TRIM5: variants seen among roughly 807,000 people sequenced by gnomAD.
TRIM5 encodes the protein tripartite motif-containing protein 5.
TRIM5 carries 31 observed loss-of-function variants against 35.6 expected under a neutral mutation model. The ratio of observed to expected loss-of-function variants is 0.87; its 90% CI spans 0.65 to 1.18. The LOEUF is 1.18. Ranked by LOEUF, TRIM5 falls within the 50% of genes most tolerant of loss-of-function variation. The pLI is 0.00. For synonymous variants in TRIM5, 243 were observed against 215.6 expected (o/e 1.13, Z -1.11); for missense variants, 609 against 591.6 (o/e 1.03, Z -0.31).
intron 1 of TRIM5, among the ~76,000 whole-genome samples, chr11:5,682,610 G>A (rs770624425): frequency 2.0e-5 from 3 of 152,170 alleles, no homozygotes; most frequent in Non-Finnish European, 2.9e-5. Flanking sequence ...CAGATCCAAG[G>A]GGGAAATTAG....
the TRIM5 span, chr11:5,643,835 A>T: frequency 7.9e-7 from 1 of 1,271,394 alleles, no homozygotes; most frequent in Non-Finnish European, 1.1e-6. Flanking sequence ...CATCCTTGAG[A>T]TGTATGGTGT....
the TRIM5 span, among the ~76,000 whole-genome samples, chr11:5,642,097 A>T: frequency 6.6e-6 from 1 of 152,176 alleles, no homozygotes; most frequent in African/African-American, 2.4e-5. Context: ...GTCTTTTCCT[A>T]TCGTTTTATC....
chr11:5,635,507 C>T, the TRIM5 span, among the ~76,000 whole-genome samples: 3 of 152,234 alleles, frequency 2.0e-5, no homozygotes, highest in African/African-American at 7.2e-5. Flanking sequence ...CCGCCTGCCT[C>T]GGCCTTCCAA....
chr11:5,648,402 T>C, the TRIM5 span, among the ~76,000 whole-genome samples: 916 of 151,904 alleles, frequency 6.0e-3, 15 homozygotes, highest in African/African-American at 0.021. Flanking sequence ...GCTACTCAGT[T>C]GGCTGAGGCG....
the TRIM5 span, among the ~76,000 whole-genome samples, chr11:5,614,518 AAGGAAAAGAAAACTC>A: frequency 6.6e-6 from 1 of 152,238 alleles, no homozygotes; most frequent in Non-Finnish European, 1.5e-5. Context: ...ATCAAATTTC[AAGGAAAAGAAAACTC>A]AGATTTTGGT....
In TRIM5 at chr11:5,679,890, T is replaced by C. The variant is rs56327934; in HGVS notation, c.288A>G (p.Ala96=). The C allele has an allele frequency of 2.6e-4, 421 of 1,613,900 alleles. No homozygotes were observed. Among genetic ancestry groups the C allele is most frequent in the Non-Finnish European group, 3.4e-4 (403 of 1,180,024 alleles). Residue 96 remains alanine (A), a synonymous_variant, in exon 2 of 8, where the codon GCA becomes GCG. Transcript: ENST00000380034. ...AGAGTAGAAGTTTCTCTCCATGGCG[T>C]GCACAATGATCAACTTTCTGCCCCT... The part of the protein sequence containing the change: ...SPEGQKVDHC[A]RHGEKLLLFC...
the TRIM5 span, chr11:5,611,097 C>A: frequency 6.2e-7 from 1 of 1,614,162 alleles, no homozygotes; most frequent in Non-Finnish European, 8.5e-7. Flanking sequence ...TGGGTTACAG[C>A]ATAACCATGA....
At chr11:5,670,271 G>A (rs905694514) in intron 4 of TRIM5, among the ~76,000 whole-genome samples, 7 of 145,582 alleles carry the variant, frequency 4.8e-5, no homozygotes, top group South Asian at 4.4e-4. Context: ...TCTGCCTCCT[G>A]GGTTCATGCC....
the TRIM5 span, among the ~76,000 whole-genome samples, chr11:5,625,843 T>C: frequency 6.6e-6 from 1 of 152,238 alleles, no homozygotes. Flanking sequence ...AGACACACCT[T>C]GGCATTGATT....
intron 5 of TRIM5, among the ~76,000 whole-genome samples, chr11:5,667,383 T>C (rs994109805): frequency 1.3e-5 from 2 of 152,034 alleles, no homozygotes; most frequent in African/African-American, 4.8e-5. Flanking sequence ...ATTTTTGTAT[T>C]TTTTTGATAG....
At chr11:5,668,949 T>C (rs554763959) in intron 4 of TRIM5, among the ~76,000 whole-genome samples, 1 of 152,274 alleles carries the variant, frequency 6.6e-6, no homozygotes, top group East Asian at 1.9e-4. Flanking sequence ...TTTTATTATG[T>C]AACACCAACC....
At chr11:5,614,383 T>C in the TRIM5 span, among the ~76,000 whole-genome samples, 2 of 152,210 alleles carry the variant, frequency 1.3e-5, no homozygotes, top group Non-Finnish European at 2.9e-5. Flanking sequence ...AAACGTGCTT[T>C]TTAAATCCTT....
intron 1 of TRIM5, among the ~76,000 whole-genome samples, chr11:5,683,335 G>A (rs1852682706): frequency 6.6e-6 from 1 of 152,240 alleles, no homozygotes; most frequent in Non-Finnish European, 1.5e-5. Flanking sequence ...CTGCGGCCCG[G>A]TGCAGGATCC....
the TRIM5 span, among the ~76,000 whole-genome samples, chr11:5,629,169 C>T: frequency 1.3e-5 from 2 of 152,122 alleles, no homozygotes; most frequent in African/African-American, 4.8e-5. Context: ...CCCAGCTACT[C>T]AGGAGACTGA....
the TRIM5 span, chr11:5,643,743 T>TCGA: frequency 6.5e-7 from 1 of 1,541,874 alleles, no homozygotes; most frequent in Non-Finnish European, 8.7e-7. Flanking sequence ...ACCCTTTGTC[T>TCGA]TGACTTATCT....
chr11:5,601,468 C>T, the TRIM5 span, among the ~76,000 whole-genome samples: 1 of 152,152 alleles, frequency 6.6e-6, no homozygotes, highest in Admixed American at 6.5e-5. Context: ...AAAAATATTA[C>T]CTCCCCAGGC....
At chr11:5,636,017 A>AG in the TRIM5 span, among the ~76,000 whole-genome samples, 9 of 152,236 alleles carry the variant, frequency 5.9e-5, no homozygotes, top group Non-Finnish European at 1.2e-4. Context: ...CATGTGGCCT[A>AG]GCCATTCCAT....
the TRIM5 span, chr11:5,643,258 T>C: frequency 1.2e-6 from 2 of 1,614,106 alleles, no homozygotes; most frequent in South Asian, 1.1e-5. Context: ...TATGGTGTCT[T>C]GGGATCCCAA....
chr11:5,647,725 G>T, the TRIM5 span, among the ~76,000 whole-genome samples: 2 of 152,106 alleles, frequency 1.3e-5, no homozygotes, highest in Admixed American at 6.5e-5. Flanking sequence ...ATTTCACTAC[G>T]TTGGCCAGGC....
Sources: allele counts gnomAD v4.1 joint callset (sites outside exome capture counted in the v4.1 genomes callset), GRCh38; gene constraint gnomAD v4.1.1; transcripts MANE v1.5; gene names NCBI Gene and HGNC (gene_info 2026-07-23, HGNC 2026-07-21).